Variants in INTS4 observed in about 807,000 individuals in gnomAD.
INTS4 encodes integrator complex subunit 4, also known as MSTP093.
In INTS4, 70 loss-of-function variants were observed where a neutral mutation model predicts 119.5. That is an observed-to-expected ratio of 0.59 (90% confidence interval 0.48 to 0.71). The LOEUF (loss-of-function observed/expected upper bound fraction) is 0.71. Ranked by LOEUF, INTS4 falls within the 30% of genes least tolerant of loss-of-function variation. The pLI, the probability that INTS4 is intolerant of heterozygous loss-of-function variation, is 0.00. For synonymous variants in INTS4, 316 were observed against 419.6 expected, an observed-to-expected ratio of 0.75 and a Z score of 3.02; for missense variants, 867 against 1,173.2, an observed-to-expected ratio of 0.74 and a Z score of 3.81.
At chr11:77,949,870 T>G (rs1432194393) in intron 8 of INTS4, among the ~76,000 whole-genome samples, 1 of 152,210 alleles carries the variant, frequency 6.6e-6, no homozygotes, top group Non-Finnish European at 1.5e-5. Flanking sequence ...TTACTGGGTA[T>G]ATACCCAAAG....
chr11:77,892,406 T>C (rs1409595109), intron 19 of INTS4, among the ~76,000 whole-genome samples: 1 of 152,130 alleles, frequency 6.6e-6, no homozygotes, highest in Non-Finnish European at 1.5e-5. Context: ...GGAGGTGATA[T>C]CTGTGCAGGA....
At chr11:77,887,550 T>TAGTGTTGGA (rs1565223746) in intron 21 of INTS4, among the ~76,000 whole-genome samples, 1 of 152,040 alleles carries the variant, frequency 6.6e-6, no homozygotes, top group African/African-American at 2.4e-5. Flanking sequence ...CTATTCAACA[T>TAGTGTTGGA]AGTGTTGGAA....
intron 7 of INTS4, 31 bp downstream of exon 7, chr11:77,958,715 T>C (rs545816159): frequency 1.9e-5 from 26 of 1,374,428 alleles, no homozygotes; most frequent in Non-Finnish European, 2.7e-5. Context: ...GGCTTCACAA[T>C]CAACAAAAGC....
chr11:77,950,398 T>C (rs1333483689), intron 8 of INTS4, among the ~76,000 whole-genome samples: 2 of 151,234 alleles, frequency 1.3e-5, no homozygotes. Flanking sequence ...GCAGAGAGTA[T>C]AACAGTGGTT....
intron 18 of INTS4, chr11:77,900,902 T>G: frequency 4.6e-6 from 2 of 436,790 alleles, no homozygotes; most frequent in African/African-American, 4.0e-5. Flanking sequence ...AGAAATGCCA[T>G]GAGGTAGATG....
At chr11:77,885,179 G>A (rs1036221616) in intron 21 of INTS4, among the ~76,000 whole-genome samples, 1 of 152,094 alleles carries the variant, frequency 6.6e-6, no homozygotes, top group African/African-American at 2.4e-5. Context: ...CCGGGTTAAA[G>A]TGATTCTCCT....
chr11:77,887,108 C>A (rs1262048130), intron 21 of INTS4, among the ~76,000 whole-genome samples: 1 of 152,002 alleles, frequency 6.6e-6, no homozygotes, highest in Non-Finnish European at 1.5e-5. Context: ...CAGAGCAGAA[C>A]TGAAGGAAAT....
intron 8 of INTS4, among the ~76,000 whole-genome samples, chr11:77,941,661 T>G (rs1953932501): frequency 6.6e-6 from 1 of 152,040 alleles, no homozygotes; most frequent in South Asian, 2.1e-4. Context: ...AATTGTAATT[T>G]TTTGTTTTTG....
chr11:77,920,471 T>A (rs1027364333), intron 14 of INTS4, among the ~76,000 whole-genome samples: 38 of 151,986 alleles, frequency 2.5e-4, no homozygotes, highest in Non-Finnish European at 4.9e-4. Context: ...TTTTCTTCTA[T>A]ATAACTCTAG....
At chr11:77,956,411 G>GA (rs1273550602) in intron 7 of INTS4, among the ~76,000 whole-genome samples, 1 of 151,746 alleles carries the variant, frequency 6.6e-6, no homozygotes, top group East Asian at 1.9e-4. Context: ...ACCCTGTCTT[G>GA]AAAAATAAAT....
intron 22 of INTS4, among the ~76,000 whole-genome samples, chr11:77,880,452 C>T (rs757820463): frequency 2.6e-5 from 4 of 152,228 alleles, no homozygotes; most frequent in Non-Finnish European, 4.4e-5. Context: ...GATAAGCACA[C>T]ACTCACATGA....
At chr11:77,955,901 T>C (rs1478524987) in intron 8 of INTS4, 41 bp downstream of exon 8, 4 of 1,541,832 alleles carry the variant, frequency 2.6e-6, no homozygotes, top group Admixed American at 1.9e-5. Flanking sequence ...AGAAAATAAA[T>C]ATATACATGC....
intron 15 of INTS4, among the ~76,000 whole-genome samples, chr11:77,909,823 C>G (rs909650710): frequency 3.9e-5 from 6 of 152,106 alleles, no homozygotes; most frequent in Non-Finnish European, 7.4e-5. Context: ...ATTTATGCAG[C>G]CAAAAGACAC....
At chr11:77,938,399 T>C (rs1409225592) in intron 10 of INTS4, among the ~76,000 whole-genome samples, 1 of 152,224 alleles carries the variant, frequency 6.6e-6, no homozygotes, top group Non-Finnish European at 1.5e-5. Flanking sequence ...AAGATAGTTA[T>C]TATTATCCCT....
At position 77,960,609 on chromosome 11, in the gene INTS4, G is replaced by A. The variant is rs944222656; in HGVS notation, c.658-218C>T. ...CATGGACTGTCCCAAGAAGGTATTAGAAAAATATGAAATAATGATATGAAG... is the reference window on the plus strand; with the variant it reads ...CATGGACTGTCCCAAGAAGGTATTAAAAAAATATGAAATAATGATATGAAG... On this transcript the variant is annotated intron_variant, in intron 5 of 22. Coordinates refer to ENST00000534064, the MANE Select transcript of INTS4 (RefSeq NM_033547.4). Among the ~76,000 whole-genome samples, 12 of 152,058 alleles carry A rather than the reference G, an allele frequency of 7.9e-5. 1 individual carries two copies. The highest frequency in any genetic ancestry group is 6.6e-4 in the Admixed American group (10 of 15,260).
In INTS4 at chr11:77,978,944, C is replaced by A. The variant is rs1025228016; in HGVS notation, c.471+52G>T. 7 of 1,114,294 alleles carry A rather than the reference C, an allele frequency of 6.3e-6. No individual in the cohort carries two copies. The African/African-American group carries it at 1.1e-4, about 17-fold the overall frequency. 69.0% of individuals were successfully genotyped at this position (1,114,294 alleles called of 1,614,324 possible). Reference sequence around the variant, plus strand: ...TCCTAAAACCATTAATGGTCCTTAGCAGTCCTCAGTTACCAGTTTAGGATG... The same window carrying A: ...TCCTAAAACCATTAATGGTCCTTAGAAGTCCTCAGTTACCAGTTTAGGATG... On this transcript the variant is annotated intron_variant, in intron 4 of 22. Coordinates refer to ENST00000534064, the MANE Select transcript of INTS4 (RefSeq NM_033547.4).
At chr11:77,922,190 T>C (rs1360856264) in intron 13 of INTS4, among the ~76,000 whole-genome samples, 166 bp downstream of exon 13, 2 of 146,144 alleles carry the variant, frequency 1.4e-5, no homozygotes, top group African/African-American at 5.1e-5. Flanking sequence ...ATCAGGCCAC[T>C]GCACTCCAGC....
chr11:77,952,738 T>C lies in INTS4; in HGVS notation c.918+3204A>G, dbSNP rs182599528. Among the ~76,000 whole-genome samples, 917 of 152,328 alleles carry C rather than the reference T, an allele frequency of 6.0e-3. 8 individuals carry two copies. Among genetic ancestry groups the C allele is most frequent in the Non-Finnish European group, 0.01 (705 of 68,022 alleles). On this transcript the variant is annotated intron_variant, in intron 8 of 22. Coordinates refer to ENST00000534064, the MANE Select transcript of INTS4 (RefSeq NM_033547.4). ...AGTAGAAATTTCAATGTACCATATG[T>C]TATACATACAACTTTATGCAAATAA... is the stretch of plus-strand genomic sequence containing the variant.
chr11:77,973,106 T>G (rs1855797796), intron 4 of INTS4, among the ~76,000 whole-genome samples: 2 of 152,170 alleles, frequency 1.3e-5, no homozygotes, highest in South Asian at 4.1e-4. Context: ...CCTCCCATAG[T>G]GCTGGGATTA....
Sources: gnomAD v4.1 joint callset for allele counts (sites outside exome capture counted in the v4.1 genomes callset) on GRCh38, gnomAD v4.1.1 for gene constraint, MANE v1.5 for transcripts, NCBI Gene and HGNC (gene_info 2026-07-23, HGNC 2026-07-21) for gene names.